ELAPOR1: variants seen among roughly 807,000 people sequenced by gnomAD.
ELAPOR1 encodes endosome-lysosome associated apoptosis and autophagy regulator 1.
ELAPOR1 carries 77 observed loss-of-function variants against 119.7 expected under a neutral mutation model. That is an observed-to-expected ratio of 0.64 (90% CI 0.54 to 0.78). ELAPOR1 has a LOEUF of 0.78. ELAPOR1 is among the 30% of genes least tolerant of loss of function. ELAPOR1 has a pLI of 0.00. For synonymous variants in ELAPOR1, 481 were observed against 487.2 expected (o/e 0.99, Z 0.17); for missense variants, 1,115 against 1,270.4 (o/e 0.88, Z 1.86).
intron 18 of ELAPOR1, among the ~76,000 whole-genome samples, chr1:109,199,075 A>T (rs186119735): frequency 1.3e-5 from 2 of 152,328 alleles, no homozygotes; most frequent in East Asian, 3.9e-4. Context: ...TGAGGATTAA[A>T]TGAGACAAGG....
At chr1:109,183,565 C>CT (rs1241409896) in intron 7 of ELAPOR1, among the ~76,000 whole-genome samples, 4 of 35,116 alleles carry the variant, frequency 1.1e-4, no homozygotes, top group Admixed American at 3.6e-4. Flanking sequence ...TCCTTCCTTC[C>CT]TTCCTTCCTT....
At chr1:109,154,488 C>T (rs948358126) in intron 1 of ELAPOR1, among the ~76,000 whole-genome samples, 2 of 152,236 alleles carry the variant, frequency 1.3e-5, no homozygotes, top group East Asian at 3.9e-4. Context: ...TTTTGTTCCT[C>T]GTCTCAGAGA....
intron 1 of ELAPOR1, among the ~76,000 whole-genome samples, chr1:109,115,103 C>T (rs922713646): frequency 6.6e-6 from 1 of 152,162 alleles, no homozygotes; most frequent in African/African-American, 2.4e-5. Context: ...AATAGGTAGT[C>T]AATCTCTTAT....
chr1:109,149,062 G>C (rs535780216), intron 1 of ELAPOR1, among the ~76,000 whole-genome samples: 1 of 152,178 alleles, frequency 6.6e-6, no homozygotes, highest in Non-Finnish European at 1.5e-5. Context: ...TAGCTCTGGG[G>C]AGTTGCTAGG....
At chr1:109,189,021 G>T (rs1653247896) in intron 9 of ELAPOR1, 45 bp from the exon 10 acceptor site, 1 of 1,604,020 alleles carries the variant, frequency 6.2e-7, no homozygotes, top group African/African-American at 1.3e-5. Context: ...CAGAGTGACT[G>T]CAGCCTTCCC....
intron 7 of ELAPOR1, 95 bp downstream of exon 7, chr1:109,173,932 G>A: frequency 7.5e-7 from 1 of 1,330,544 alleles, no homozygotes; most frequent in Non-Finnish European, 1.0e-6. Flanking sequence ...TTCTGGCCAA[G>A]CTGAGGATGG....
Position 109,206,406 on chromosome 1 carries a change from T to C in ELAPOR1, c.*3394T>C, listed in dbSNP as rs1654497598. ...GCTGTTGTTGGTAGAGGGAGTATGATAAAATGTTTAAATCTCATTTGGTTA... is the reference window on the plus strand; with the variant it reads ...GCTGTTGTTGGTAGAGGGAGTATGACAAAATGTTTAAATCTCATTTGGTTA... On this transcript the variant is annotated 3_prime_UTR_variant, in exon 22 of 22. Transcript: ENST00000369939. 1 of 152,234 alleles carries C rather than the reference T, an allele frequency of 6.6e-6. No homozygotes were observed. The highest frequency in any genetic ancestry group is 2.4e-5 in the African/African-American group (1 of 41,454). The allele number at this position is 152,234 out of a possible 1,614,324, so 9.4% of individuals were successfully genotyped here.
rs1013693703 is a variant in ELAPOR1, at chr1:109,203,056, C to A, written c.*44C>A. Reference sequence around the variant, plus strand: ...CCTGCCTCCTCACCTTGCATAGCACCTTTGCAAGCCTGCGGCGATTTGGGT... The same window carrying A: ...CCTGCCTCCTCACCTTGCATAGCACATTTGCAAGCCTGCGGCGATTTGGGT... On this transcript the variant is annotated 3_prime_UTR_variant, in exon 22 of 22. Transcript: ENST00000369939. 2 of 1,388,456 alleles carry A rather than the reference C, an allele frequency of 1.4e-6. No homozygotes were observed. Among genetic ancestry groups the A allele is most frequent in the South Asian group, 1.2e-5 (1 of 82,776 alleles). 86.0% of individuals were successfully genotyped at this position (1,388,456 alleles called of 1,614,324 possible). A position where few individuals can be genotyped will look rare whatever the true frequency, so the allele number is the denominator to read the frequency against.
intron 18 of ELAPOR1, among the ~76,000 whole-genome samples, chr1:109,199,176 G>C (rs1204767806): frequency 6.6e-6 from 1 of 152,174 alleles, no homozygotes; most frequent in Non-Finnish European, 1.5e-5. Flanking sequence ...AAAATACCCA[G>C]TTCTGAGGTT....
chr1:109,145,546 C>T (rs1650123706), intron 1 of ELAPOR1, among the ~76,000 whole-genome samples: 1 of 152,062 alleles, frequency 6.6e-6, no homozygotes, highest in South Asian at 2.1e-4. Context: ...GTCTCAGCTA[C>T]TCGGGAGGCT....
rs191961667 is a variant in ELAPOR1, at chr1:109,159,639, G to A, written c.154-2255G>A. Among the ~76,000 whole-genome samples the A allele has an allele frequency of 3.3e-5, 5 of 152,288 alleles. No homozygotes were observed. In the East Asian group the frequency reaches 9.6e-4, roughly 29 times the overall value. On this transcript the variant is annotated intron_variant, in intron 1 of 21. Coordinates refer to ENST00000369939, the MANE Select transcript of ELAPOR1 (RefSeq NM_020775.5). ...CTATAAGGGTGGAGGAGGATTCCTGGTGGGAAGGCCTGGTTTCTAGCTCAG... is the reference window on the plus strand; with the variant it reads ...CTATAAGGGTGGAGGAGGATTCCTGATGGGAAGGCCTGGTTTCTAGCTCAG...
intron 1 of ELAPOR1, among the ~76,000 whole-genome samples, chr1:109,148,388 C>G (rs907845932): frequency 6.6e-6 from 1 of 152,108 alleles, no homozygotes; most frequent in Non-Finnish European, 1.5e-5. Flanking sequence ...ATCCGCCCAC[C>G]TCAGCCTCCC....
intron 1 of ELAPOR1, among the ~76,000 whole-genome samples, chr1:109,161,001 C>T (rs1166341625): frequency 1.3e-5 from 2 of 152,150 alleles, no homozygotes; most frequent in East Asian, 3.8e-4. Context: ...ATTGCACAGA[C>T]AAATTAGGGA....
chr1:109,188,013 G>A (rs747626124), intron 8 of ELAPOR1, 164 bp from the exon 9 acceptor site: 39 of 1,395,000 alleles, frequency 2.8e-5, no homozygotes, highest in South Asian at 1.6e-4. Flanking sequence ...ACTGGGCTAG[G>A]TGCTTGGGAT....
At chr1:109,141,910 C>T (rs2101000393) in intron 1 of ELAPOR1, among the ~76,000 whole-genome samples, 1 of 152,136 alleles carries the variant, frequency 6.6e-6, no homozygotes, top group East Asian at 1.9e-4. Context: ...AGTGATCCTT[C>T]CGCCTTGGCC....
chr1:109,114,931 G>A lies in ELAPOR1; in HGVS notation c.153+595G>A, dbSNP rs1404541586. ...CCTTATAGCTTGGCCTCCCCGCAGC[G>A]TACTATGTTTAGTGTACCTGACAGT... is the stretch of plus-strand genomic sequence containing the variant. On this transcript the variant is annotated intron_variant, in intron 1 of 21. Coordinates refer to ENST00000369939, the MANE Select transcript of ELAPOR1 (RefSeq NM_020775.5). Among the ~76,000 whole-genome samples, 4 of 152,080 alleles carry A rather than the reference G, an allele frequency of 2.6e-5. 1 individual carries two copies. The highest frequency in any genetic ancestry group is 2.1e-4 in the South Asian group (1 of 4,830).
intron 2 of ELAPOR1, 123 bp from the exon 3 acceptor site, chr1:109,164,376 A>G (rs1294991010): frequency 1.2e-6 from 1 of 812,346 alleles, no homozygotes; most frequent in Non-Finnish European, 2.0e-6. Context: ...ATGGCCCTAA[A>G]TCTTAGTGGG....
intron 3 of ELAPOR1, among the ~76,000 whole-genome samples, chr1:109,164,983 G>A (rs933289402): frequency 6.6e-6 from 1 of 152,170 alleles, no homozygotes; most frequent in Non-Finnish European, 1.5e-5. Flanking sequence ...AAATGGCCCA[G>A]TCTATTTAAA....
At chr1:109,148,412 TACAG>T (rs1045804584) in intron 1 of ELAPOR1, among the ~76,000 whole-genome samples, 49 of 152,324 alleles carry the variant, frequency 3.2e-4, no homozygotes, top group African/African-American at 1.1e-3. Context: ...GTGCTAGGAT[TACAG>T]GCGTGAGCCA....
Sources: allele counts gnomAD v4.1 joint callset (sites outside exome capture counted in the v4.1 genomes callset), GRCh38; gene constraint gnomAD v4.1.1; transcripts MANE v1.5; gene names NCBI Gene and HGNC (gene_info 2026-07-23, HGNC 2026-07-21).